The following NRG3 variants were observed in gnomAD, a reference collection of about 807,000 sequenced individuals.
The protein encoded by NRG3 is pro-neuregulin-3, membrane-bound isoform.
Under a neutral mutation model 66.9 loss-of-function variants are expected in NRG3, and 31 were observed. The observed-to-expected ratio is 0.46, with a 90% CI of 0.35 to 0.63. NRG3 has a LOEUF of 0.63. Ranked by LOEUF, NRG3 falls within the 20% of genes least tolerant of loss-of-function variation. NRG3 has a pLI of 0.00. For synonymous variants in NRG3, 393 were observed against 359.4 expected (o/e 1.09, Z -1.06); for missense variants, 910 against 878.9 (o/e 1.04, Z -0.45).
intron 1 of NRG3, among the ~76,000 whole-genome samples, chr10:82,012,966 A>G (rs539936787): frequency 6.6e-6 from 1 of 152,262 alleles, no homozygotes; most frequent in East Asian, 1.9e-4. Context: ...AACTGTTCCA[A>G]ACTCTGCCTG....
intron 1 of NRG3, among the ~76,000 whole-genome samples, chr10:82,047,334 T>C (rs992570818): frequency 1.3e-5 from 2 of 152,004 alleles, no homozygotes; most frequent in Non-Finnish European, 2.9e-5. Flanking sequence ...GAGAAAATGT[T>C]AAGGGCAGCC....
intron 2 of NRG3, among the ~76,000 whole-genome samples, chr10:82,369,361 C>G (rs532580328): frequency 1.4e-5 from 2 of 138,448 alleles, no homozygotes; most frequent in South Asian, 4.3e-4. Flanking sequence ...TGCACTGGTA[C>G]AGTCATGGCT....
At chr10:81,892,546 C>G (rs1177449457) in intron 1 of NRG3, among the ~76,000 whole-genome samples, 1 of 151,984 alleles carries the variant, frequency 6.6e-6, no homozygotes, top group Non-Finnish European at 1.5e-5. Flanking sequence ...CAACGAAAGG[C>G]AATATTTCCT....
chr10:82,944,224 A>G (rs1415130477), intron 4 of NRG3, among the ~76,000 whole-genome samples: 2 of 152,228 alleles, frequency 1.3e-5, no homozygotes, highest in African/African-American at 4.8e-5. Flanking sequence ...ACATTTGACT[A>G]GCTTCAAGTA....
At chr10:82,206,604 T>G (rs1445356353) in intron 1 of NRG3, among the ~76,000 whole-genome samples, 1 of 152,216 alleles carries the variant, frequency 6.6e-6, no homozygotes, top group African/African-American at 2.4e-5. Flanking sequence ...GAAAACCATC[T>G]TCTGCTTTCC....
chr10:82,949,681 C>T (rs998291491), intron 4 of NRG3, among the ~76,000 whole-genome samples: 1 of 151,974 alleles, frequency 6.6e-6, no homozygotes, highest in Admixed American at 6.6e-5. Context: ...ACAGTGAAAC[C>T]TCATCTCTAC....
intron 3 of NRG3, among the ~76,000 whole-genome samples, chr10:82,756,881 G>A (rs1348554423): frequency 6.6e-6 from 1 of 151,470 alleles, no homozygotes; most frequent in African/African-American, 2.4e-5. Context: ...CTGAACAAAG[G>A]TCATTAATAC....
At chr10:82,947,363 G>T (rs563302339) in intron 4 of NRG3, among the ~76,000 whole-genome samples, 1 of 152,076 alleles carries the variant, frequency 6.6e-6, no homozygotes, top group African/African-American at 2.4e-5. Flanking sequence ...ACCTGTTGAT[G>T]GATCCTTGGG....
At chr10:82,115,292 C>G (rs1319193017) in intron 1 of NRG3, among the ~76,000 whole-genome samples, 1 of 152,088 alleles carries the variant, frequency 6.6e-6, no homozygotes, top group African/African-American at 2.4e-5. Context: ...AAGGAAATTT[C>G]CAAGAGGCCC....
At chr10:82,239,126 C>G (rs1012622848) in intron 1 of NRG3, among the ~76,000 whole-genome samples, 6 of 151,506 alleles carry the variant, frequency 4.0e-5, no homozygotes, top group Non-Finnish European at 8.8e-5. Context: ...ATAATACGAT[C>G]TATTAAACAA....
At chr10:82,815,380 G>C (rs2061662752) in intron 3 of NRG3, among the ~76,000 whole-genome samples, 1 of 152,058 alleles carries the variant, frequency 6.6e-6, no homozygotes, top group Admixed American at 6.5e-5. Context: ...GCAAAGCTTT[G>C]GGGAAATGTA....
chr10:82,526,177 A>T (rs187069598), intron 2 of NRG3, among the ~76,000 whole-genome samples: 11 of 152,026 alleles, frequency 7.2e-5, no homozygotes, highest in African/African-American at 2.4e-4. Flanking sequence ...TGCTATAATC[A>T]CTAAAGGAAT....
intron 2 of NRG3, among the ~76,000 whole-genome samples, chr10:82,362,655 G>A (rs1056246303): frequency 9.0e-5 from 13 of 144,956 alleles, no homozygotes; most frequent in Admixed American, 8.7e-4. Flanking sequence ...TTCCTAAAAT[G>A]TTGGGATTAC....
intron 2 of NRG3, among the ~76,000 whole-genome samples, chr10:82,373,476 C>G (rs948769463): frequency 1.2e-4 from 19 of 152,202 alleles, no homozygotes; most frequent in Admixed American, 1.1e-3. Flanking sequence ...CAGGTGGATC[C>G]CAATGACCCT....
chr10:82,177,507 G>T (rs573027287), intron 1 of NRG3, among the ~76,000 whole-genome samples: 1 of 152,090 alleles, frequency 6.6e-6, no homozygotes, highest in African/African-American at 2.4e-5. Flanking sequence ...TTTTATGTGC[G>T]TATTACTTAG....
intron 2 of NRG3, among the ~76,000 whole-genome samples, chr10:82,375,493 T>C (rs2085164786): frequency 6.7e-6 from 1 of 148,794 alleles, no homozygotes; most frequent in Admixed American, 6.7e-5. Context: ...GCTGAGATCG[T>C]GCCACCGCAC....
intron 1 of NRG3, among the ~76,000 whole-genome samples, chr10:82,097,614 A>C (rs1207404239): frequency 1.3e-5 from 2 of 151,762 alleles, no homozygotes; most frequent in Admixed American, 6.6e-5. Flanking sequence ...AGTTTGATTT[A>C]TCTTAGGTAA....
intron 2 of NRG3, among the ~76,000 whole-genome samples, chr10:82,556,696 TCTC>T (rs989276288): frequency 5.8e-4 from 89 of 152,246 alleles, no homozygotes; most frequent in African/African-American, 2.0e-3. Flanking sequence ...ACATAGGTAA[TCTC>T]CTGTCATAGG....
intron 1 of NRG3, among the ~76,000 whole-genome samples, chr10:82,282,722 GGGAGCAAGAT>G: frequency 6.6e-6 from 1 of 152,170 alleles, no homozygotes; most frequent in Non-Finnish European, 1.5e-5. Flanking sequence ...TTAGGAACGA[GGGAGCAAGAT>G]GGGACATGGT....
Sources: gnomAD v4.1 joint callset for allele counts (sites outside exome capture counted in the v4.1 genomes callset) on GRCh38, gnomAD v4.1.1 for gene constraint, MANE v1.5 for transcripts, NCBI Gene and HGNC (gene_info 2026-07-23, HGNC 2026-07-21) for gene names.